The following LDLRAD3 variants were observed in gnomAD, a reference collection of about 807,000 sequenced individuals.
LDLRAD3 encodes low-density lipoprotein receptor class A domain-containing protein 3.
In LDLRAD3, 20 loss-of-function variants were observed where a neutral mutation model predicts 29.4. The ratio of observed to expected loss-of-function variants is 0.68; its 90% CI spans 0.48 to 0.99. The LOEUF (loss-of-function observed/expected upper bound fraction) is 0.99, where lower values mean the gene tolerates loss of function less well. Ranked by LOEUF, LDLRAD3 falls within the 50% of genes least tolerant of loss-of-function variation. The pLI is 0.00. For missense variants in LDLRAD3, 420 were observed against 454.3 expected, an observed-to-expected ratio of 0.92 and a Z score of 0.69; for synonymous variants, 157 against 192.7, an observed-to-expected ratio of 0.81 and a Z score of 1.53.
intron 3 of LDLRAD3, among the ~76,000 whole-genome samples, chr11:36,086,799 C>T (rs1565212902): frequency 6.6e-6 from 1 of 152,160 alleles, no homozygotes; most frequent in East Asian, 1.9e-4. Flanking sequence ...ACAGCTACTG[C>T]ATGCATTCTC....
chr11:36,080,588 G>A (rs1034181204), intron 2 of LDLRAD3, among the ~76,000 whole-genome samples: 7 of 152,220 alleles, frequency 4.6e-5, no homozygotes, highest in African/African-American at 1.7e-4. Context: ...GCGCATTTAT[G>A]AAGTGGTGAT....
chr11:36,043,229 T>A (rs1318361144), intron 2 of LDLRAD3, among the ~76,000 whole-genome samples: 1 of 152,184 alleles, frequency 6.6e-6, no homozygotes, highest in Non-Finnish European at 1.5e-5. Flanking sequence ...CAAGATTTAC[T>A]TGAACCTGGG....
At chr11:36,100,969 T>C (rs1469107279) in intron 4 of LDLRAD3, among the ~76,000 whole-genome samples, 1 of 152,184 alleles carries the variant, frequency 6.6e-6, no homozygotes, top group African/African-American at 2.4e-5. Context: ...TTTTTTAAAT[T>C]CTGCTTTTTC....
At chr11:36,082,954 A>G (rs969618187) in intron 3 of LDLRAD3, among the ~76,000 whole-genome samples, 1 of 152,184 alleles carries the variant, frequency 6.6e-6, no homozygotes, top group Non-Finnish European at 1.5e-5. Flanking sequence ...TTGAGCATTC[A>G]TAATTATCAT....
rs574139339 is a variant in LDLRAD3, at chr11:36,151,964, C to G, written c.454+53503C>G. On this transcript the variant is annotated intron_variant, in intron 4 of 5. Transcript: ENST00000315571. Reference sequence around the variant, plus strand: ...GCTGGATGACTTGGAGAAAATTACCCCAAAGTGTCTGCAGTGACTTCTGTG... The same window carrying G: ...GCTGGATGACTTGGAGAAAATTACCGCAAAGTGTCTGCAGTGACTTCTGTG... Among the ~76,000 whole-genome samples, 85 of 152,242 alleles carry G rather than the reference C, an allele frequency of 5.6e-4. 1 individual carries two copies. In the South Asian group the frequency reaches 8.3e-3, roughly 15 times the overall value.
At chr11:36,200,379 G>A (rs1855109943) in intron 4 of LDLRAD3, among the ~76,000 whole-genome samples, 1 of 152,030 alleles carries the variant, frequency 6.6e-6, no homozygotes. Context: ...CCTAGCATGG[G>A]GGTCCCACTC....
chr11:36,133,774 T>G (rs975273026), intron 4 of LDLRAD3, among the ~76,000 whole-genome samples: 1 of 147,156 alleles, frequency 6.8e-6, no homozygotes, highest in Admixed American at 6.8e-5. Flanking sequence ...CCTGACCTTG[T>G]GATCCGCCTG....
rs1855305578 is a variant in LDLRAD3 at position 36,213,072 on chromosome 11, G to GCTCCCTCCCTCTCTCCCTCC, written c.455-14010_455-13991dup. On this transcript the variant is annotated intron_variant, in intron 4 of 5. Transcript: ENST00000315571. The surrounding 1 kb of genome is among the most constrained non-coding windows in gnomAD (Gnocchi z 4.1). ...CCACCCCTCTCTTTCTCTCCCCCTC[G>GCTCCCTCCCTCTCTCCCTCC]CTCCCTCCCTCTCTCCCTCCCTGTT... is the stretch of plus-strand genomic sequence containing the variant. Among the ~76,000 whole-genome samples the GCTCCCTCCCTCTCTCCCTCC allele has an allele frequency of 1.0e-5, 1 of 98,786 alleles. No individual in the cohort carries two copies. Among genetic ancestry groups the GCTCCCTCCCTCTCTCCCTCC allele is most frequent in the Admixed American group, 1.5e-4 (1 of 6,772 alleles). 64.8% of individuals were successfully genotyped at this position (98,786 alleles called of 152,430 possible). A position where few individuals can be genotyped will look rare whatever the true frequency, so the allele number is the denominator to read the frequency against.
At chr11:36,027,457 TTGA>T (rs1160674543) in intron 1 of LDLRAD3, among the ~76,000 whole-genome samples, 1 of 152,250 alleles carries the variant, frequency 6.6e-6, no homozygotes, top group African/African-American at 2.4e-5. Context: ...TTTATATCTA[TTGA>T]TGATTAGGAG....
intron 4 of LDLRAD3, among the ~76,000 whole-genome samples, chr11:36,107,019 C>T (rs2133283006): frequency 1.3e-5 from 2 of 152,298 alleles, no homozygotes; most frequent in East Asian, 1.9e-4. Context: ...CGGACCCACC[C>T]TGCAGCTCAG....
intron 4 of LDLRAD3, among the ~76,000 whole-genome samples, chr11:36,226,690 C>G (rs1458562145): frequency 6.6e-6 from 1 of 152,142 alleles, no homozygotes; most frequent in Non-Finnish European, 1.5e-5. Flanking sequence ...CTGTTAATCC[C>G]CATTCTCTTT....
intron 4 of LDLRAD3, among the ~76,000 whole-genome samples, chr11:36,128,329 C>T (rs546471288): frequency 6.1e-4 from 93 of 152,060 alleles, no homozygotes; most frequent in Non-Finnish European, 7.5e-4. Flanking sequence ...GTCCATCTCA[C>T]GCATTTAACC....
intron 1 of LDLRAD3, among the ~76,000 whole-genome samples, chr11:36,006,585 A>G (rs1851888539): frequency 6.6e-6 from 1 of 152,172 alleles, no homozygotes; most frequent in East Asian, 1.9e-4. Context: ...TGTGGGTTTT[A>G]GAGTCATACA....
chr11:36,152,794 T>C (rs554731242), intron 4 of LDLRAD3, among the ~76,000 whole-genome samples: 1 of 152,338 alleles, frequency 6.6e-6, no homozygotes, highest in East Asian at 1.9e-4. Flanking sequence ...CCTTTTTCCA[T>C]GCTATTTTTG....
chr11:36,064,309 A>T (rs192593309), intron 2 of LDLRAD3, among the ~76,000 whole-genome samples: 2,195 of 151,570 alleles, frequency 0.014, 57 homozygotes, highest in Admixed American at 0.074. Flanking sequence ...AGTTTTTTTT[A>T]AAAAATTTTT....
At chr11:36,017,369 G>A (rs1852036427) in intron 1 of LDLRAD3, among the ~76,000 whole-genome samples, 1 of 152,170 alleles carries the variant, frequency 6.6e-6, no homozygotes, top group Non-Finnish European at 1.5e-5. Context: ...CTTCCAGAAA[G>A]CTAACAAGCA....
intron 1 of LDLRAD3, among the ~76,000 whole-genome samples, chr11:36,018,763 C>T (rs1271822003): frequency 6.6e-6 from 1 of 152,196 alleles, no homozygotes; most frequent in African/African-American, 2.4e-5. Context: ...GAGTACTCAT[C>T]TTTTCAACTT....
At chr11:35,951,156 T>C (rs1199494309) in intron 1 of LDLRAD3, among the ~76,000 whole-genome samples, 2 of 152,160 alleles carry the variant, frequency 1.3e-5, no homozygotes, top group African/African-American at 4.8e-5. Flanking sequence ...AAATTAGAAG[T>C]AATGGCAATA....
chr11:35,951,868 C>A (rs967222126), intron 1 of LDLRAD3, among the ~76,000 whole-genome samples: 1 of 152,206 alleles, frequency 6.6e-6, no homozygotes, highest in Non-Finnish European at 1.5e-5. Context: ...CTGCCAGTGA[C>A]CAATAAATCA....
Sources: gnomAD v4.1 joint callset for allele counts (sites outside exome capture counted in the v4.1 genomes callset) on GRCh38, gnomAD v4.1.1 for gene constraint, Gnocchi (gnomAD v3.1) non-coding constraint, MANE v1.5 for transcripts, NCBI Gene and HGNC (gene_info 2026-07-23, HGNC 2026-07-21) for gene names.